The following TTC31 variants were observed in gnomAD, a reference collection of about 807,000 sequenced individuals.
The protein encoded by TTC31 is tetratricopeptide repeat domain 31.
TTC31 carries 59 observed loss-of-function variants against 60.4 expected under a neutral mutation model. The ratio of observed to expected loss-of-function variants is 0.98; its 90% CI spans 0.79 to 1.21. The LOEUF (loss-of-function observed/expected upper bound fraction) is 1.21, where lower values mean the gene tolerates loss of function less well. Among genes scored for constraint, TTC31 ranks in the 50% most tolerant of loss-of-function variants. The probability of loss-of-function intolerance (pLI) is 0.00; values close to 1 mark genes in which losing one functional copy is unlikely to be tolerated. For synonymous variants in TTC31, 225 were observed against 249.6 expected, an observed-to-expected ratio of 0.90 and a Z score of 0.93; for missense variants, 672 against 646.9, an observed-to-expected ratio of 1.04 and a Z score of -0.42.
intron 8 of TTC31, 50 bp downstream of exon 8, chr2:74,491,722 A>G (rs199835646): frequency 6.3e-7 from 1 of 1,592,476 alleles, no homozygotes; most frequent in Non-Finnish European, 8.6e-7. Flanking sequence ...AAGGGGCACA[A>G]GGAGCTGCTG....
intron 2 of TTC31, among the ~76,000 whole-genome samples, chr2:74,487,338 C>T (rs1673241297): frequency 6.6e-6 from 1 of 152,144 alleles, no homozygotes; most frequent in Non-Finnish European, 1.5e-5. Context: ...CCTACCTCAG[C>T]CTCCCAAGTA....
chr2:74,493,446 A>G lies in TTC31; in HGVS notation c.*228A>G. On this transcript the variant is annotated 3_prime_UTR_variant, in exon 13 of 13. Transcript: ENST00000233623. The stretch of plus-strand genomic sequence containing the variant: ...CAAGCTTCTTCTGGAGGCAGTAAGG[A>G]AAAATAAAACCCACCAAGGCTCAAG... The G allele has an allele frequency of 1.9e-6, 1 of 538,114 alleles. No individual in the cohort carries two copies. Among genetic ancestry groups the G allele is most frequent in the Non-Finnish European group, 3.2e-6 (1 of 310,056 alleles). 33.3% of individuals were successfully genotyped at this position (538,114 alleles called of 1,614,324 possible).
chr2:74,488,613 C>G lies in TTC31; in HGVS notation c.130-1412C>G, dbSNP rs146859238. Among the ~76,000 whole-genome samples, 95 of 152,324 alleles carry G rather than the reference C, an allele frequency of 6.2e-4. 1 individual carries two copies. Among genetic ancestry groups the G allele is most frequent in the African/African-American group, 2.1e-3 (88 of 41,574 alleles). On this transcript the variant is annotated intron_variant, in intron 2 of 12. Transcript: ENST00000233623. ...GTTAAATGACTTCTCCAGAATCAAA[C>G]AGGCAGGTAGTGTCAGAGTGAAAAT...
In TTC31 at chr2:74,483,574, G is replaced by A. The variant is rs762200912; in HGVS notation, c.129+164G>A. 6.0e-5 allele frequency: 90 copies of A among 1,494,498 alleles called. No individual in the cohort carries two copies. The South Asian group carries it at 1.1e-3, about 18-fold the overall frequency. 92.6% of individuals were successfully genotyped at this position (1,494,498 alleles called of 1,614,324 possible). A position where few individuals can be genotyped will look rare whatever the true frequency, so the allele number is the denominator to read the frequency against. The stretch of plus-strand genomic sequence containing the variant: ...CCTTGAGGATCTTAGGCAAGTGAGG[G>A]GCAGGGGATCAGGAGGATGATCCTG... On this transcript the variant is annotated intron_variant, in intron 2 of 12. Transcript: ENST00000233623.
chr2:74,485,527 A>G (rs1388663343), intron 2 of TTC31, among the ~76,000 whole-genome samples: 1 of 146,918 alleles, frequency 6.8e-6, no homozygotes, highest in African/African-American at 2.5e-5. Flanking sequence ...CTGGAGTGCA[A>G]TGGTGTGATC....
rs775660290 is a variant in TTC31 at position 74,490,303 on chromosome 2, A to C, written c.292A>C (p.Lys98Gln). 5.6e-6 allele frequency: 9 copies of C among 1,613,990 alleles called. No individual in the cohort carries two copies. Among genetic ancestry groups the C allele is most frequent in the Non-Finnish European group, 7.6e-6 (9 of 1,180,006 alleles). Reference protein sequence around the residue: ...GKSTGQSDRGKGAEGLGTYCG... With the variant: ...GKSTGQSDRGQGAEGLGTYCG... ...ATCAACTGGACAGAGTGACAGGGGC[A>C]AGGGGGCTGAGGGACTGGGCACCTA... The change falls in exon 4 of 13, where the codon AAG (lysine) becomes CAG (glutamine). Residue 98 changes from lysine to glutamine, a missense_variant. Lys to Gln is a moderately conservative substitution (Grantham distance 53). Transcript: ENST00000233623.
Position 74,493,261 on chromosome 2 carries a change from C to T in TTC31, c.*43C>T. On this transcript the variant is annotated 3_prime_UTR_variant, in exon 13 of 13. Coordinates refer to ENST00000233623, the MANE Select transcript of TTC31 (RefSeq NM_022492.6). ...ATAGGGCAGGGCCATGTATATATCC[C>T]TTGGTGGGGGACATAGTGTGGTGAC... The T allele has an allele frequency of 1.3e-6, 2 of 1,588,990 alleles. No individual in the cohort carries two copies. Among genetic ancestry groups the T allele is most frequent in the Non-Finnish European group, 1.7e-6 (2 of 1,161,208 alleles).
In TTC31 at chr2:74,493,159, C is replaced by G; in HGVS notation, c.1501C>G (p.Pro501Ala). Residue 501 changes from proline to alanine, a missense_variant, in exon 13 of 13, where the codon CCT (proline) becomes GCT (alanine). By Grantham distance (27) the Pro-to-Ala change is conservative. Transcript: ENST00000233623. ...RRPHPLKPQD[P>A]SKGWDILGLG... The stretch of plus-strand genomic sequence containing the variant: ...GCCCCATCCTCTCAAGCCCCAGGAC[C>G]CTTCAAAGGGCTGGGACATCCTGGG... The G allele has an allele frequency of 1.9e-6, 3 of 1,614,154 alleles. No homozygotes were observed. The highest frequency in any genetic ancestry group is 2.5e-6 in the Non-Finnish European group (3 of 1,180,006).
intron 2 of TTC31, among the ~76,000 whole-genome samples, chr2:74,487,037 A>T (rs1673196902): frequency 6.6e-6 from 1 of 152,222 alleles, no homozygotes; most frequent in Non-Finnish European, 1.5e-5. Context: ...CTAAGATGGG[A>T]GCACAGTTGG....
Position 74,492,359 on chromosome 2 carries a change from C to T in TTC31, c.1075C>T (p.Leu359=), listed in dbSNP as rs1334051680. 1.3e-6 allele frequency: 2 copies of T among 1,553,788 alleles called. No individual in the cohort carries two copies. The highest frequency in any genetic ancestry group is 2.3e-5 in the East Asian group (1 of 44,284). Residue 359 remains leucine (L), a synonymous_variant, in exon 11 of 13, where the codon CTG becomes TTG. Transcript: ENST00000233623. ...GCGGTTGGGTCAGCCAGCGTGGGCCCTGGCTGATGCCCAGGTGGCCCTTAC... is the reference window on the plus strand; with the variant it reads ...GCGGTTGGGTCAGCCAGCGTGGGCCTTGGCTGATGCCCAGGTGGCCCTTAC... ...HERLGQPAWA[L]ADAQVALTLR...
Position 74,491,367 on chromosome 2 carries a change from G to A in TTC31, c.676G>A (p.Glu226Lys), listed in dbSNP as rs778954774. The A allele has an allele frequency of 3.1e-6, 5 of 1,614,210 alleles. No individual in the cohort carries two copies. The highest frequency in any genetic ancestry group is 4.2e-6 in the Non-Finnish European group (5 of 1,180,038). The change falls in exon 7 of 13, where the codon GAA becomes AAA. Residue 226 changes from glutamate (E) to lysine (K), a missense_variant. By Grantham distance (56) the Glu-to-Lys change is moderately conservative. Coordinates refer to ENST00000233623, the MANE Select transcript of TTC31 (RefSeq NM_022492.6). ...AAACCCAGTTCAGGGACAGTGTGGT[G>A]AAGAAGAGGTGAGAGCCCCTTTTTT... is the stretch of plus-strand genomic sequence containing the variant. Reference protein sequence around the residue: ...PGNPVQGQCGEEEDSLDLSST... With the variant: ...PGNPVQGQCGKEEDSLDLSST...
In TTC31 at chr2:74,491,535, G is replaced by A. The variant is rs1673887387; in HGVS notation, c.739G>A (p.Asp247Asn). Residue 247 changes from aspartate (D) to asparagine (N), a missense_variant, in exon 8 of 13, where the codon GAT (aspartate) becomes AAT (asparagine). Asp to Asn is a conservative substitution (Grantham distance 23). Transcript: ENST00000233623. ...GTCTCTGGCTTTGCGCAAGGTTGGGGATTGGCCCCTCAGTGCCCGCAGAGA... is the reference window on the plus strand; with the variant it reads ...GTCTCTGGCTTTGCGCAAGGTTGGGAATTGGCCCCTCAGTGCCCGCAGAGA... ...FVSLALRKVGDWPLSARREKG... is the reference protein window; with the variant it reads ...FVSLALRKVGNWPLSARREKG... The A allele has an allele frequency of 4.3e-6, 7 of 1,614,100 alleles. No individual in the cohort carries two copies. Among genetic ancestry groups the A allele is most frequent in the Non-Finnish European group, 5.9e-6 (7 of 1,180,024 alleles).
rs774990943 is a variant in TTC31, at chr2:74,490,040, C to T, written c.145C>T (p.Leu49Phe). ...CCCCTCCCAGGACATAGTGGATTTT[C>T]TTCGACGGCTTGTGGAGAGTGATCC... ...DYGEEDIVDF[L>F]RRLVESDPQG... The change falls in exon 3 of 13, where the codon CTT (leucine) becomes TTT (phenylalanine). Residue 49 changes from leucine (L) to phenylalanine (F), a missense_variant. Coordinates refer to ENST00000233623, the MANE Select transcript of TTC31 (RefSeq NM_022492.6). The T allele has an allele frequency of 1.8e-5, 24 of 1,312,972 alleles. No homozygotes were observed. The highest frequency in any genetic ancestry group is 2.4e-5 in the Non-Finnish European group (23 of 974,792). The allele number at this position is 1,312,972 out of a possible 1,614,324, so 81.3% of individuals were successfully genotyped here.
At position 74,493,101 on chromosome 2, in the gene TTC31, C is replaced by T; in HGVS notation, c.1443C>T (p.Pro481=). The T allele has an allele frequency of 6.2e-7, 1 of 1,614,142 alleles. No homozygotes were observed. Among genetic ancestry groups the T allele is most frequent in the Non-Finnish European group, 8.5e-7 (1 of 1,180,010 alleles). ...LHYPSCHRSH[P]NQPLSQTQSR... ...ATCCTTCATGTCACCGAAGCCACCC[C>T]AACCAGCCCCTCTCCCAGACTCAGA... The change falls in exon 13 of 13, where the codon CCC becomes CCT. Residue 481 remains proline, a synonymous_variant. Coordinates refer to ENST00000233623, the MANE Select transcript of TTC31 (RefSeq NM_022492.6).
Position 74,494,060 on chromosome 2 carries a change from TC to T in TTC31, c.*843del, listed in dbSNP as rs1434445321. 2 of 152,176 alleles carry T rather than the reference TC, an allele frequency of 1.3e-5. No individual in the cohort carries two copies. Among genetic ancestry groups the T allele is most frequent in the African/African-American group, 2.4e-5 (1 of 41,430 alleles). The allele number at this position is 152,176 out of a possible 1,614,324, so 9.4% of individuals were successfully genotyped here. On this transcript the variant is annotated 3_prime_UTR_variant, in exon 13 of 13. Coordinates refer to ENST00000233623, the MANE Select transcript of TTC31 (RefSeq NM_022492.6). Reference sequence around the variant, plus strand: ...CCCACTTCCTGGGTAAGAAGCATGATCTCCTTTTAATTTCACGTCTAAGATC... The same window carrying T: ...CCCACTTCCTGGGTAAGAAGCATGATTCCTTTTAATTTCACGTCTAAGATC...
In TTC31 at chr2:74,491,675, G is replaced by T. The variant is rs1338977909; in HGVS notation, c.876+3G>T. 2 of 1,613,830 alleles carry T rather than the reference G, an allele frequency of 1.2e-6. No individual in the cohort carries two copies. The highest frequency in any genetic ancestry group is 1.6e-4 in the Middle Eastern group (1 of 6,062). ...CCCAGCAGAGTCCAAAGGTACAGGTGAGGTGGCTGAAGAACCTTATTCAGC... is the reference window on the plus strand; with the variant it reads ...CCCAGCAGAGTCCAAAGGTACAGGTTAGGTGGCTGAAGAACCTTATTCAGC... On this transcript the variant is annotated splice_donor_region_variant and intron_variant, in intron 8 of 12. Coordinates refer to ENST00000233623, the MANE Select transcript of TTC31 (RefSeq NM_022492.6).
At chr2:74,485,994 G>A (rs1339398298) in intron 2 of TTC31, among the ~76,000 whole-genome samples, 2 of 151,954 alleles carry the variant, frequency 1.3e-5, no homozygotes, top group African/African-American at 2.4e-5. Flanking sequence ...ACGGCCAGGC[G>A]CAGTGGCTCA....
chr2:74,489,935 C>T (rs1158261375), intron 2 of TTC31, 90 bp from the exon 3 acceptor site: 36 of 924,958 alleles, frequency 3.9e-5, no homozygotes, highest in Non-Finnish European at 5.9e-5. Context: ...TGGTGGCTGC[C>T]ATGGTGGAGA....
At position 74,490,438 on chromosome 2, in the gene TTC31, G is replaced by A. The variant is rs1307769501; in HGVS notation, c.427G>A (p.Val143Met). The change falls in exon 4 of 13, where the codon GTG (valine) becomes ATG (methionine). Residue 143 changes from valine to methionine, a missense_variant. By Grantham distance (21) the Val-to-Met change is conservative. Coordinates refer to ENST00000233623, the MANE Select transcript of TTC31 (RefSeq NM_022492.6). Reference sequence around the variant, plus strand: ...CAGTGTCTCAGACAGCCTGCTTCAGGTGGCCATGCCCCAGAAGCTCCTGGT... The same window carrying A: ...CAGTGTCTCAGACAGCCTGCTTCAGATGGCCATGCCCCAGAAGCTCCTGGT... The part of the protein sequence containing the change: ...FPSVSDSLLQ[V>M]AMPQKLLVTE... 6.2e-7 allele frequency: 1 copy of A among 1,613,012 alleles called. No homozygotes were observed. The highest frequency in any genetic ancestry group is 8.5e-7 in the Non-Finnish European group (1 of 1,179,620).
Sources: gnomAD v4.1 joint callset for allele counts (sites outside exome capture counted in the v4.1 genomes callset) on GRCh38, gnomAD v4.1.1 for gene constraint, MANE v1.5 for transcripts, NCBI Gene and HGNC (gene_info 2026-07-23, HGNC 2026-07-21) for gene names.